Variants in COBL observed in about 807,000 individuals in gnomAD.
The protein encoded by COBL is cordon-bleu WH2 repeat protein, also known as protein cordon-bleu.
Under a neutral mutation model 98.8 loss-of-function variants are expected in COBL, and 51 were observed. The observed-to-expected ratio is 0.52, with a 90% CI of 0.41 to 0.65. The LOEUF is 0.65. Ranked by LOEUF, COBL falls within the 30% of genes least tolerant of loss-of-function variation. The pLI is 0.00. For missense variants in COBL, 1,617 were observed against 1,617.5 expected (o/e 1.00, Z 0.01); for synonymous variants, 634 against 651.7 (o/e 0.97, Z 0.41).
At position 51,028,986 on chromosome 7, in the gene COBL, C is replaced by T. The variant is rs148062130; in HGVS notation, c.2110G>A (p.Gly704Ser). 3.6e-5 allele frequency: 58 copies of T among 1,613,986 alleles called. No homozygotes were observed. The highest frequency in any genetic ancestry group is 5.0e-5 in the Admixed American group (3 of 59,986). ...NPGKSYRLKH[G>S]LTTYKIIPPK... is the part of the protein sequence containing the mutation. Reference sequence around the variant, plus strand: ...GGAATGATTTTATACGTTGTGAGGCCGTGCTTAAGTCTGTAGCTTTTCCCT... The same window carrying T: ...GGAATGATTTTATACGTTGTGAGGCTGTGCTTAAGTCTGTAGCTTTTCCCT... The change falls in exon 10 of 13, where the codon GGC (glycine) becomes AGC (serine). Residue 704 changes from glycine to serine, a missense_variant. Around this residue, in one of 3 missense-constraint regions of COBL, gnomAD observed 1,304 missense variants for 1,282.0 expected, o/e 1.02. Coordinates refer to ENST00000265136, the MANE Select transcript of COBL (RefSeq NM_015198.5).
At chr7:51,217,248 C>T (rs1285546952) in intron 2 of COBL, among the ~76,000 whole-genome samples, 5 of 151,926 alleles carry the variant, frequency 3.3e-5, no homozygotes, top group Middle Eastern at 3.4e-3. Flanking sequence ...TTTTAGAATG[C>T]GCATTCTATT....
chr7:51,304,436 T>C (rs936385908), intron 1 of COBL, among the ~76,000 whole-genome samples: 4 of 152,182 alleles, frequency 2.6e-5, no homozygotes, highest in African/African-American at 7.2e-5. Flanking sequence ...GAAAAACAAT[T>C]TGTGAATACA....
chr7:51,228,375 A>G (rs1355951006), intron 1 of COBL, among the ~76,000 whole-genome samples: 1 of 149,510 alleles, frequency 6.7e-6, no homozygotes, highest in Admixed American at 6.8e-5. Context: ...TTTTACTATT[A>G]TTATTAGCAC....
chr7:51,084,398 C>G (rs995940398), intron 7 of COBL, among the ~76,000 whole-genome samples: 44 of 152,080 alleles, frequency 2.9e-4, no homozygotes, highest in African/African-American at 1.0e-3. Flanking sequence ...GCTCTCAGCT[C>G]AGGAAGGTGT....
chr7:51,218,179 A>G (rs921113123), intron 2 of COBL, among the ~76,000 whole-genome samples: 9 of 152,188 alleles, frequency 5.9e-5, no homozygotes, highest in African/African-American at 1.9e-4. Context: ...ATGCTCCCCA[A>G]ATTTTTATTC....
intron 7 of COBL, among the ~76,000 whole-genome samples, chr7:51,068,660 G>A (rs1193480313): frequency 1.3e-5 from 2 of 152,172 alleles, no homozygotes; most frequent in Non-Finnish European, 2.9e-5. Context: ...TGGTTTCATG[G>A]TGTATACAAG....
intron 4 of COBL, 150 bp from the exon 5 acceptor site, chr7:51,184,349 G>C: frequency 1.9e-6 from 1 of 528,974 alleles, no homozygotes; most frequent in Non-Finnish European, 3.3e-6. Context: ...TTTCAAAGCT[G>C]TCCGAGCCAC....
chr7:51,167,991 T>C (rs1050437984), intron 5 of COBL, among the ~76,000 whole-genome samples: 1 of 152,106 alleles, frequency 6.6e-6, no homozygotes, highest in African/African-American at 2.4e-5. Context: ...ATCTCCAGGA[T>C]ATTGGTCTGG....
At chr7:51,136,096 T>A in intron 6 of COBL, 62 bp downstream of exon 6, 1 of 1,552,752 alleles carries the variant, frequency 6.4e-7, no homozygotes, top group Admixed American at 1.9e-5. Flanking sequence ...CAGGGAGCTT[T>A]GGAACAATCA....
chr7:51,111,581 C>T (rs946434523), intron 6 of COBL, among the ~76,000 whole-genome samples: 10 of 152,200 alleles, frequency 6.6e-5, no homozygotes, highest in Admixed American at 3.3e-4. Flanking sequence ...TGTCCTCTCT[C>T]GCTGAACTGT....
chr7:51,256,819 CCTGT>C (rs1383490812), intron 1 of COBL, among the ~76,000 whole-genome samples: 2 of 152,336 alleles, frequency 1.3e-5, no homozygotes, highest in East Asian at 3.9e-4. Context: ...AAAAATATTT[CCTGT>C]CTGACAGCTG....
chr7:51,182,517 G>T (rs902824964), intron 5 of COBL, among the ~76,000 whole-genome samples: 2 of 151,986 alleles, frequency 1.3e-5, no homozygotes, highest in African/African-American at 4.8e-5. Context: ...CCTGACCTCA[G>T]GTGACCTGCC....
chr7:51,078,107 C>T (rs770130536), intron 7 of COBL, among the ~76,000 whole-genome samples: 6 of 152,192 alleles, frequency 3.9e-5, no homozygotes, highest in Non-Finnish European at 8.8e-5. Context: ...GTGACTTCCA[C>T]GTACCTCAGA....
At chr7:51,050,273 C>T (rs762720089) in intron 7 of COBL, among the ~76,000 whole-genome samples, 5 of 152,228 alleles carry the variant, frequency 3.3e-5, no homozygotes, top group Non-Finnish European at 7.3e-5. Flanking sequence ...TTCTTCACTA[C>T]CTGAACCAAA....
intron 1 of COBL, among the ~76,000 whole-genome samples, chr7:51,292,417 A>G (rs1390924683): frequency 2.0e-5 from 3 of 152,254 alleles, no homozygotes. Context: ...AATGAGTACT[A>G]TTTAAATATG....
intron 11 of COBL, among the ~76,000 whole-genome samples, chr7:51,026,208 G>T (rs1179829564): frequency 6.6e-6 from 1 of 152,238 alleles, no homozygotes; most frequent in Non-Finnish European, 1.5e-5. Context: ...AATGGCTTCA[G>T]TTCTGGTTGT....
chr7:51,071,052 T>C (rs1049651162), intron 7 of COBL: 4 of 152,236 alleles, frequency 2.6e-5, no homozygotes, highest in African/African-American at 9.6e-5. Flanking sequence ...GTTTTTCTTT[T>C]ACCTTAGCAT....
chr7:51,026,546 C>T lies in COBL; in HGVS notation c.3504G>A (p.Lys1168=), dbSNP rs1787580994. The change falls in exon 11 of 13, where the codon AAG becomes AAA. Residue 1168 remains lysine (K), a splice_region_variant and synonymous_variant. Transcript: ENST00000265136. Reference sequence around the variant, plus strand: ...CCATGGAAGGCCCTTCACCTCTTACCTTCCTCAGGCTGCAGGTGCCGCTGT... The same window carrying T: ...CCATGGAAGGCCCTTCACCTCTTACTTTCCTCAGGCTGCAGGTGCCGCTGT... ...RGHSGTCSLR[K]VASSASEELQ... is the part of the protein sequence containing the mutation. The T allele has an allele frequency of 6.2e-7, 1 of 1,613,766 alleles. No individual in the cohort carries two copies. The highest frequency in any genetic ancestry group is 8.5e-7 in the Non-Finnish European group (1 of 1,179,968).
chr7:51,165,749 G>A (rs1787254896), intron 5 of COBL, among the ~76,000 whole-genome samples: 1 of 151,878 alleles, frequency 6.6e-6, no homozygotes, highest in Admixed American at 6.6e-5. Flanking sequence ...TTTAAAAACT[G>A]AAATAATATC....
Sources: gnomAD v4.1 joint callset for allele counts (sites outside exome capture counted in the v4.1 genomes callset) on GRCh38, gnomAD v4.1.1 for gene constraint, gnomAD v4.1.1 regional missense constraint, MANE v1.5 for transcripts, NCBI Gene and HGNC (gene_info 2026-07-23, HGNC 2026-07-21) for gene names.